The following PPP1R9A variants were observed in gnomAD, a reference collection of about 807,000 sequenced individuals.
The protein encoded by PPP1R9A is neurabin-1.
PPP1R9A carries 59 observed loss-of-function variants against 141.9 expected under a neutral mutation model. The observed-to-expected ratio is 0.42, with a 90% CI of 0.34 to 0.52. PPP1R9A has a LOEUF of 0.52. Ranked by LOEUF, PPP1R9A falls within the 20% of genes least tolerant of loss-of-function variation. The pLI is 0.10. For missense variants in PPP1R9A, 1,444 were observed against 1,611.9 expected, an observed-to-expected ratio of 0.90 and a Z score of 1.78; for synonymous variants, 500 against 569.7, an observed-to-expected ratio of 0.88 and a Z score of 1.74.
intron 4 of PPP1R9A, 41 bp downstream of exon 4, chr7:95,120,873 G>T (rs1400894984): frequency 6.4e-7 from 1 of 1,562,532 alleles, no homozygotes; most frequent in Non-Finnish European, 8.7e-7. Context: ...AATCTTTAGA[G>T]AACTTTCCTG....
chr7:95,120,442 T>C (rs1402732401), intron 3 of PPP1R9A, among the ~76,000 whole-genome samples: 2 of 152,240 alleles, frequency 1.3e-5, no homozygotes, highest in East Asian at 3.8e-4. Context: ...AGAGTGACTA[T>C]TCAATAATCA....
At chr7:95,027,879 A>G (rs958417324) in intron 2 of PPP1R9A, among the ~76,000 whole-genome samples, 14 of 152,188 alleles carry the variant, frequency 9.2e-5, no homozygotes, top group Middle Eastern at 3.4e-3. Context: ...TTTGTGGTCT[A>G]TTGTCAGCCA....
intron 2 of PPP1R9A, among the ~76,000 whole-genome samples, chr7:95,073,355 G>A (rs991368367): frequency 1.2e-4 from 18 of 152,062 alleles, no homozygotes; most frequent in South Asian, 4.2e-4. Flanking sequence ...TAAAGCTACC[G>A]GAATATGTAG....
intron 2 of PPP1R9A, among the ~76,000 whole-genome samples, chr7:94,996,231 A>C (rs910156730): frequency 1.3e-5 from 2 of 152,232 alleles, no homozygotes; most frequent in African/African-American, 4.8e-5. Flanking sequence ...TAGGAAAAAA[A>C]CAGAATAACA....
chr7:95,189,265 C>T (rs7807620), intron 5 of PPP1R9A, among the ~76,000 whole-genome samples: 6 of 151,978 alleles, frequency 3.9e-5, no homozygotes, highest in Admixed American at 6.6e-5. Flanking sequence ...CTGATGGCTA[C>T]GTGCCTGGGT....
chr7:95,052,201 G>A (rs1004789175), intron 2 of PPP1R9A, among the ~76,000 whole-genome samples: 1 of 152,128 alleles, frequency 6.6e-6, no homozygotes, highest in Admixed American at 6.6e-5. Context: ...AGTCAGTAAT[G>A]GGCTTAATGT....
At chr7:95,090,793 G>A (rs1262218095) in intron 2 of PPP1R9A, among the ~76,000 whole-genome samples, 3 of 151,878 alleles carry the variant, frequency 2.0e-5, no homozygotes, top group African/African-American at 7.3e-5. Context: ...CGGCAACAGA[G>A]TGAGACTCCA....
chr7:95,245,574 C>T (rs1798016423), intron 8 of PPP1R9A, among the ~76,000 whole-genome samples: 1 of 152,112 alleles, frequency 6.6e-6, no homozygotes, highest in South Asian at 2.1e-4. Context: ...TCCATCCAGA[C>T]TAGGACTTAG....
At chr7:95,107,245 A>G (rs1214259351) in intron 2 of PPP1R9A, among the ~76,000 whole-genome samples, 1 of 152,116 alleles carries the variant, frequency 6.6e-6, no homozygotes, top group African/African-American at 2.4e-5. Context: ...TCCTTTACCT[A>G]CTTATACATG....
chr7:95,237,368 G>A (rs531506559), intron 8 of PPP1R9A, among the ~76,000 whole-genome samples: 34 of 151,558 alleles, frequency 2.2e-4, no homozygotes, highest in Admixed American at 1.9e-3. Flanking sequence ...GCTAATTTTT[G>A]TATTTTTAGT....
chr7:95,074,505 T>C (rs1212628552), intron 2 of PPP1R9A, among the ~76,000 whole-genome samples: 1 of 149,924 alleles, frequency 6.7e-6, no homozygotes, highest in Admixed American at 6.7e-5. Context: ...ACGGAGTTTC[T>C]CTCTTGTTGC....
In PPP1R9A at chr7:95,120,830, C is replaced by G; in HGVS notation, c.1647C>G (p.Gly549=). The G allele has an allele frequency of 6.2e-7, 1 of 1,612,674 alleles. No individual in the cohort carries two copies. The highest frequency in any genetic ancestry group is 8.5e-7 in the Non-Finnish European group (1 of 1,179,360). Residue 549 remains glycine, a splice_region_variant and synonymous_variant, in exon 4 of 20, where the codon GGC becomes GGG. Coordinates refer to ENST00000433360, the MANE Select transcript of PPP1R9A (RefSeq NM_001166160.2). ...AAGGTGGTGCTGCTCAACGGGATGG[C>G]AGGTAAATTAAGGACTGTTGTTAAT... The part of the protein sequence containing the change: ...VTEGGAAQRD[G]RIQVNDQIVE...
At chr7:95,078,823 G>T (rs1436444250) in intron 2 of PPP1R9A, among the ~76,000 whole-genome samples, 7 of 151,422 alleles carry the variant, frequency 4.6e-5, no homozygotes, top group Non-Finnish European at 1.5e-5. Flanking sequence ...TTTTTGATGG[G>T]GTTGTTTGTT....
chr7:95,251,155 C>CTGTTT (rs1798819045), intron 10 of PPP1R9A, among the ~76,000 whole-genome samples: 1 of 152,180 alleles, frequency 6.6e-6, no homozygotes, highest in African/African-American at 2.4e-5. Context: ...CAATACATCA[C>CTGTTT]TGTTTTAACT....
At chr7:95,185,859 G>A (rs1834570756) in intron 5 of PPP1R9A, among the ~76,000 whole-genome samples, 1 of 151,970 alleles carries the variant, frequency 6.6e-6, no homozygotes, top group Non-Finnish European at 1.5e-5. Flanking sequence ...TTATTTCTGG[G>A]TTCTCTATTC....
chr7:95,042,962 G>A (rs1809475283), intron 2 of PPP1R9A, among the ~76,000 whole-genome samples: 1 of 151,352 alleles, frequency 6.6e-6, no homozygotes, highest in African/African-American at 2.4e-5. Context: ...TACTCCATTT[G>A]CTACACAATT....
chr7:94,981,828 A>T (rs1800147674), intron 2 of PPP1R9A, among the ~76,000 whole-genome samples: 1 of 151,716 alleles, frequency 6.6e-6, no homozygotes. Flanking sequence ...ATTTAATTTA[A>T]TTTTTTTTAA....
chr7:94,970,137 C>T (rs1045505086), intron 2 of PPP1R9A, among the ~76,000 whole-genome samples: 2 of 152,088 alleles, frequency 1.3e-5, no homozygotes, highest in African/African-American at 4.8e-5. Flanking sequence ...GCCTTCAGCC[C>T]CCTTTCCAGG....
At chr7:95,264,862 G>A (rs768000037) in intron 12 of PPP1R9A, among the ~76,000 whole-genome samples, 29 of 152,166 alleles carry the variant, frequency 1.9e-4, no homozygotes, top group Non-Finnish European at 3.4e-4. Flanking sequence ...ACAGAACAAG[G>A]CACACTGGAG....
Sources: gnomAD v4.1 joint callset for allele counts (sites outside exome capture counted in the v4.1 genomes callset) on GRCh38, gnomAD v4.1.1 for gene constraint, MANE v1.5 for transcripts, NCBI Gene and HGNC (gene_info 2026-07-23, HGNC 2026-07-21) for gene names.